PARD3: variants seen among roughly 807,000 people sequenced by gnomAD.
PARD3 encodes par-3 family cell polarity regulator, also known as partitioning defective 3 homolog.
In PARD3, 75 loss-of-function variants were observed where a neutral mutation model predicts 155.4. The ratio of observed to expected loss-of-function variants is 0.48; its 90% CI spans 0.40 to 0.58. PARD3 has a LOEUF of 0.58. Ranked by LOEUF, PARD3 falls within the 20% of genes least tolerant of loss-of-function variation. PARD3 has a pLI of 0.00. For synonymous variants in PARD3, 576 were observed against 610.5 expected, an observed-to-expected ratio of 0.94 and a Z score of 0.83; for missense variants, 1,642 against 1,721.7, an observed-to-expected ratio of 0.95 and a Z score of 0.82.
At chr10:34,518,165 C>T (rs2081908383) in intron 2 of PARD3, among the ~76,000 whole-genome samples, 1 of 152,224 alleles carries the variant, frequency 6.6e-6, no homozygotes, top group African/African-American at 2.4e-5. Flanking sequence ...AGGCGTGAGC[C>T]ACTGCTCCCG....
rs148527291 is a variant in PARD3 at position 34,720,382 on chromosome 10, T to C, written c.121-23963A>G. Among the ~76,000 whole-genome samples, 788 of 130,234 alleles carry C rather than the reference T, an allele frequency of 6.1e-3. 8 individuals carry two copies. The highest frequency in any genetic ancestry group is 0.021 in the African/African-American group (710 of 33,392). The allele number at this position is 130,234 out of a possible 152,430, so 85.4% of individuals were successfully genotyped here. ...AGAAGAATTGCTTGAAACCAGGAGG[T>C]AGAGGTTGCAGTGAGCTGAGATCAT... On this transcript the variant is annotated intron_variant, in intron 1 of 24. Transcript: ENST00000374788.
chr10:34,678,579 C>T (rs2093754900), intron 2 of PARD3, among the ~76,000 whole-genome samples: 1 of 151,940 alleles, frequency 6.6e-6, no homozygotes, highest in Non-Finnish European at 1.5e-5. Context: ...TAAGGATCTG[C>T]TAATATCACA....
intron 22 of PARD3, among the ~76,000 whole-genome samples, chr10:34,155,188 G>C (rs1262360119): frequency 6.6e-6 from 1 of 152,180 alleles, no homozygotes; most frequent in African/African-American, 2.4e-5. Context: ...AGGGAAGGCA[G>C]GTTTAAGAAG....
chr10:34,588,457 A>T (rs1564384934), intron 2 of PARD3, among the ~76,000 whole-genome samples: 1 of 152,184 alleles, frequency 6.6e-6, no homozygotes, highest in Non-Finnish European at 1.5e-5. Context: ...TGAAAATTTT[A>T]AAATCTACCT....
chr10:34,537,703 A>G (rs908688918), intron 2 of PARD3, among the ~76,000 whole-genome samples: 1 of 152,252 alleles, frequency 6.6e-6, no homozygotes, highest in African/African-American at 2.4e-5. Flanking sequence ...GCAAATACAA[A>G]GAAAAGCCAT....
At chr10:34,221,246 G>A (rs1365198157) in intron 22 of PARD3, among the ~76,000 whole-genome samples, 1 of 152,142 alleles carries the variant, frequency 6.6e-6, no homozygotes, top group African/African-American at 2.4e-5. Context: ...CATGTCCACC[G>A]CTTTCCTTGT....
intron 1 of PARD3, among the ~76,000 whole-genome samples, chr10:34,704,200 C>A (rs1028233349): frequency 7.2e-5 from 11 of 152,140 alleles, no homozygotes; most frequent in Non-Finnish European, 1.0e-4. Flanking sequence ...ACAATTTTAA[C>A]AACTGACTAA....
At chr10:34,402,012 T>A (rs1051208028) in intron 5 of PARD3, 95 bp from the exon 6 acceptor site, 1 of 947,456 alleles carries the variant, frequency 1.1e-6, no homozygotes, top group African/African-American at 1.6e-5. Flanking sequence ...CTAATAGGCA[T>A]TATGATCTTG....
intron 2 of PARD3, among the ~76,000 whole-genome samples, chr10:34,551,439 TAACA>T (rs2084550065): frequency 6.6e-6 from 1 of 152,020 alleles, no homozygotes; most frequent in African/African-American, 2.4e-5. Context: ...TGAACACAAA[TAACA>T]GATTCTAACA....
intron 1 of PARD3, among the ~76,000 whole-genome samples, chr10:34,756,150 C>CA (rs755572719): frequency 0.011 from 999 of 94,550 alleles, 15 homozygotes; most frequent in African/African-American, 0.039. Flanking sequence ...AAAAATGCAC[C>CA]TTTTTTTTTT....
chr10:34,341,571 A>C, intron 16 of PARD3, 56 bp downstream of exon 16: 1 of 1,420,882 alleles, frequency 7.0e-7, no homozygotes, highest in Non-Finnish European at 9.6e-7. Flanking sequence ...AGCCACTTAA[A>C]CATAAAATGG....
At chr10:34,691,685 T>C (rs949412829) in intron 2 of PARD3, among the ~76,000 whole-genome samples, 5 of 152,050 alleles carry the variant, frequency 3.3e-5, no homozygotes, top group African/African-American at 1.2e-4. Context: ...TACCCAACTA[T>C]AAACTACAGT....
At chr10:34,546,691 C>A (rs1332820098) in intron 2 of PARD3, among the ~76,000 whole-genome samples, 1 of 151,988 alleles carries the variant, frequency 6.6e-6, no homozygotes, top group African/African-American at 2.4e-5. Context: ...ATAGCAATTA[C>A]CAATATCCAC....
chr10:34,558,718 G>A (rs1004607868), intron 2 of PARD3, among the ~76,000 whole-genome samples: 2 of 152,170 alleles, frequency 1.3e-5, no homozygotes, highest in African/African-American at 4.8e-5. Flanking sequence ...ATCACTTGAG[G>A]TCAGGAATTC....
chr10:34,734,202 G>A (rs544706730), intron 1 of PARD3, among the ~76,000 whole-genome samples: 19 of 150,484 alleles, frequency 1.3e-4, no homozygotes, highest in Non-Finnish European at 2.7e-4. Context: ...CTACTAAAAA[G>A]TAAATTCATT....
chr10:34,536,713 G>A (rs2083259070), intron 2 of PARD3, among the ~76,000 whole-genome samples: 1 of 152,116 alleles, frequency 6.6e-6, no homozygotes, highest in Non-Finnish European at 1.5e-5. Flanking sequence ...TTGAATTATG[G>A]TTCTCACCAT....
At chr10:34,286,312 T>C (rs532614445) in intron 20 of PARD3, among the ~76,000 whole-genome samples, 3 of 152,200 alleles carry the variant, frequency 2.0e-5, no homozygotes, top group Non-Finnish European at 4.4e-5. Flanking sequence ...CAGAGCACAT[T>C]AGGTCATTTC....
intron 22 of PARD3, among the ~76,000 whole-genome samples, chr10:34,268,270 C>G (rs931362544): frequency 1.3e-5 from 2 of 152,064 alleles, no homozygotes; most frequent in East Asian, 3.9e-4. Flanking sequence ...ATTAAAAAGT[C>G]AGGAAACAAC....
At chr10:34,461,422 C>A (rs566640567) in intron 4 of PARD3, among the ~76,000 whole-genome samples, 1 of 151,954 alleles carries the variant, frequency 6.6e-6, no homozygotes, top group African/African-American at 2.4e-5. Context: ...CTGGCCAACA[C>A]GGTGAAACCC....
Sources: gnomAD v4.1 joint callset for allele counts (sites outside exome capture counted in the v4.1 genomes callset) on GRCh38, gnomAD v4.1.1 for gene constraint, MANE v1.5 for transcripts, NCBI Gene and HGNC (gene_info 2026-07-23, HGNC 2026-07-21) for gene names.